FHIT: variants seen among roughly 807,000 people sequenced by gnomAD.
The protein encoded by FHIT is fragile histidine triad diadenosine triphosphatase.
A neutral mutation model predicts 17.9 loss-of-function variants in FHIT; 19 were observed. That is an observed-to-expected ratio of 1.06 (90% confidence interval 0.74 to 1.56). The LOEUF is 1.56. Among genes scored for constraint, FHIT ranks in the 40% most tolerant of loss-of-function variants. The pLI is 0.00. For missense variants in FHIT, 248 were observed against 189.2 expected, an observed-to-expected ratio of 1.31 and a Z score of -1.82; for synonymous variants, 81 against 69.7, an observed-to-expected ratio of 1.16 and a Z score of -0.81.
chr3:60,241,174 A>G (rs538704052), intron 5 of FHIT, among the ~76,000 whole-genome samples: 1 of 152,246 alleles, frequency 6.6e-6, no homozygotes, highest in African/African-American at 2.4e-5. Flanking sequence ...TCCATTTCTT[A>G]AAAGACTGCC....
At chr3:60,488,508 C>T (rs530267301) in intron 5 of FHIT, among the ~76,000 whole-genome samples, 35 of 152,250 alleles carry the variant, frequency 2.3e-4, no homozygotes, top group African/African-American at 8.2e-4. Flanking sequence ...GACAGTGTCA[C>T]TGGAGCGGGG....
At chr3:60,181,603 T>G (rs896907375) in intron 5 of FHIT, among the ~76,000 whole-genome samples, 8 of 152,196 alleles carry the variant, frequency 5.3e-5, no homozygotes, top group African/African-American at 1.9e-4. Flanking sequence ...AAGACCAGAG[T>G]AGAGTTTAGG....
chr3:60,656,281 G>T (rs2040113940), intron 4 of FHIT, among the ~76,000 whole-genome samples: 1 of 152,158 alleles, frequency 6.6e-6, no homozygotes, highest in African/African-American at 2.4e-5. Flanking sequence ...TTATGGGAAA[G>T]CAACAGTGTT....
chr3:60,625,870 T>A (rs2039270748), intron 4 of FHIT, among the ~76,000 whole-genome samples: 1 of 152,342 alleles, frequency 6.6e-6, no homozygotes, highest in South Asian at 2.1e-4. Context: ...TTTTATAGTT[T>A]TAGCTTTTAC....
chr3:60,118,882 G>A (rs957109173), intron 5 of FHIT, among the ~76,000 whole-genome samples: 3 of 150,274 alleles, frequency 2.0e-5, no homozygotes, highest in African/African-American at 2.4e-5. Context: ...ATAGCTGGGC[G>A]TGGTGGCGGG....
chr3:59,987,929 T>C (rs1055387521), intron 7 of FHIT, among the ~76,000 whole-genome samples: 8 of 152,098 alleles, frequency 5.3e-5, no homozygotes, highest in African/African-American at 1.9e-4. Flanking sequence ...GCTTGAAATA[T>C]ATTTTGAAAA....
chr3:60,103,322 C>G (rs1480933329), intron 5 of FHIT, among the ~76,000 whole-genome samples: 3 of 152,164 alleles, frequency 2.0e-5, no homozygotes, highest in African/African-American at 7.2e-5. Flanking sequence ...TGACACAACA[C>G]AGATTAACAA....
chr3:60,172,496 G>A (rs1701465882), intron 5 of FHIT, among the ~76,000 whole-genome samples: 1 of 150,682 alleles, frequency 6.6e-6, no homozygotes, highest in Non-Finnish European at 1.5e-5. Context: ...GGCTGGTCTC[G>A]AACTCCCAAC....
At chr3:60,685,077 C>G (rs1015836970) in intron 4 of FHIT, among the ~76,000 whole-genome samples, 2 of 151,990 alleles carry the variant, frequency 1.3e-5, no homozygotes, top group Middle Eastern at 3.2e-3. Flanking sequence ...TTAAAGTAAC[C>G]CTTATCTTCC....
intron 5 of FHIT, among the ~76,000 whole-genome samples, chr3:60,415,732 T>TA (rs5849361): frequency 0.016 from 2,264 of 143,328 alleles, 64 homozygotes; most frequent in African/African-American, 0.055. Context: ...ACGCCTGAGT[T>TA]AAAAAAAAAA....
At chr3:60,242,934 A>G (rs1047851055) in intron 5 of FHIT, among the ~76,000 whole-genome samples, 7 of 152,068 alleles carry the variant, frequency 4.6e-5, no homozygotes, top group African/African-American at 1.7e-4. Flanking sequence ...CAGGAGAAGT[A>G]GATGTTAGTC....
At chr3:60,615,854 T>C (rs1315874008) in intron 4 of FHIT, among the ~76,000 whole-genome samples, 1 of 152,214 alleles carries the variant, frequency 6.6e-6, no homozygotes, top group African/African-American at 2.4e-5. Flanking sequence ...TTTCCCAGAA[T>C]ACTCTTCCCT....
chr3:60,955,633 T>TACACACAC (rs1553778443), intron 3 of FHIT, among the ~76,000 whole-genome samples: 28 of 39,518 alleles, frequency 7.1e-4, no homozygotes, highest in African/African-American at 2.2e-3. Context: ...TATATATATA[T>TACACACAC]ACACACACAC....
At chr3:60,550,611 ATTT>A (rs5849376) in intron 4 of FHIT, among the ~76,000 whole-genome samples, 88 of 138,450 alleles carry the variant, frequency 6.4e-4, no homozygotes, top group Middle Eastern at 7.5e-3. Flanking sequence ...CTGTTCTGTC[ATTT>A]TTTTTTTTTT....
At chr3:59,778,251 G>T (rs1401633300) in intron 8 of FHIT, among the ~76,000 whole-genome samples, 1 of 152,152 alleles carries the variant, frequency 6.6e-6, no homozygotes. Context: ...TGATAAAGCT[G>T]GGACTTCAAT....
intron 4 of FHIT, among the ~76,000 whole-genome samples, chr3:60,773,368 C>T (rs1335047341): frequency 6.6e-6 from 1 of 151,968 alleles, no homozygotes; most frequent in Non-Finnish European, 1.5e-5. Context: ...TAGACTTCAT[C>T]TCCATAATCA....
chr3:60,105,554 T>C (rs1051980561), intron 5 of FHIT, among the ~76,000 whole-genome samples: 1 of 152,164 alleles, frequency 6.6e-6, no homozygotes, highest in Non-Finnish European at 1.5e-5. Flanking sequence ...GTGAAACATA[T>C]AAGAATATTG....
At chr3:60,816,695 CT>C (rs34657304) in intron 4 of FHIT, among the ~76,000 whole-genome samples, 128,229 of 150,992 alleles carry the variant, frequency 0.85, 55,225 homozygotes, top group East Asian at 0.95. Context: ...CTGTTGATTT[CT>C]TTTTTTTTTA....
intron 3 of FHIT, among the ~76,000 whole-genome samples, chr3:60,936,479 C>G (rs1708194952): frequency 6.6e-6 from 1 of 152,098 alleles, no homozygotes. Flanking sequence ...CAGATCAATA[C>G]AAAACTGAAG....
Sources: gnomAD v4.1 joint callset for allele counts (sites outside exome capture counted in the v4.1 genomes callset) on GRCh38, gnomAD v4.1.1 for gene constraint, MANE v1.5 for transcripts, NCBI Gene and HGNC (gene_info 2026-07-23, HGNC 2026-07-21) for gene names.